ASRGL1: variants seen among roughly 807,000 people sequenced by gnomAD.
ASRGL1 encodes the protein asparaginase and isoaspartyl peptidase 1.
In ASRGL1, 16 loss-of-function variants were observed where a neutral mutation model predicts 22.4. The observed-to-expected ratio is 0.71, with a 90% CI of 0.48 to 1.08. The LOEUF is 1.08. ASRGL1 is among the 50% of genes least tolerant of loss of function. The pLI is 0.00. For missense variants in ASRGL1, 412 were observed against 410.1 expected (o/e 1.00, Z -0.04); for synonymous variants, 165 against 159.3 (o/e 1.04, Z -0.27).
At chr11:62,356,728 TA>T (rs1946305779) in intron 3 of ASRGL1, among the ~76,000 whole-genome samples, 1 of 152,230 alleles carries the variant, frequency 6.6e-6, no homozygotes. Context: ...TAGCATGTGT[TA>T]AAGATGGATT....
chr11:62,338,114 A>T lies in ASRGL1; in HGVS notation c.137A>T (p.Asp46Val). The change falls in exon 2 of 7, where the codon GAT becomes GTT. Residue 46 changes from aspartate (D) to valine (V), a missense_variant. Coordinates refer to ENST00000415229, the MANE Select transcript of ASRGL1 (RefSeq NM_001083926.2). ...CTCCGGGAGGGCGGGAGCGCCGTGGATGCCGTAGAGGGAGCTGTCGTCGCC... is the reference window on the plus strand; with the variant it reads ...CTCCGGGAGGGCGGGAGCGCCGTGGTTGCCGTAGAGGGAGCTGTCGTCGCC... ...GILREGGSAV[D>V]AVEGAVVALE... The T allele has an allele frequency of 6.2e-7, 1 of 1,607,252 alleles. No individual in the cohort carries two copies. Among genetic ancestry groups the T allele is most frequent in the Non-Finnish European group, 8.5e-7 (1 of 1,177,258 alleles).
chr11:62,378,931 C>G (rs544266027), intron 4 of ASRGL1, among the ~76,000 whole-genome samples: 39 of 152,130 alleles, frequency 2.6e-4, no homozygotes, highest in Non-Finnish European at 4.9e-4. Flanking sequence ...CTCTCAGTCT[C>G]AAGTGGAACT....
intron 4 of ASRGL1, among the ~76,000 whole-genome samples, chr11:62,368,128 G>T (rs570448000): frequency 6.6e-6 from 1 of 152,250 alleles, no homozygotes; most frequent in African/African-American, 2.4e-5. Flanking sequence ...TTGAGAAAGA[G>T]ACCACATTCA....
intron 4 of ASRGL1, among the ~76,000 whole-genome samples, chr11:62,361,171 AT>A (rs779666599): frequency 6.6e-6 from 1 of 151,500 alleles, no homozygotes; most frequent in African/African-American, 2.4e-5. Context: ...TTGTCAATAA[AT>A]TTTTTGGTTT....
rs3741245 is a variant in ASRGL1 at position 62,337,969 on chromosome 11, T to C, written c.-9T>C. Reference sequence around the variant, plus strand: ...GCTTTCGCCTTCCTGCTGCCTAGGATCCGCCGACATGAATCCCATCGTAGT... The same window carrying C: ...GCTTTCGCCTTCCTGCTGCCTAGGACCCGCCGACATGAATCCCATCGTAGT... On this transcript the variant is annotated 5_prime_UTR_variant, in exon 2 of 7. Coordinates refer to ENST00000415229, the MANE Select transcript of ASRGL1 (RefSeq NM_001083926.2). 448,474 of 1,586,362 alleles carry C rather than the reference T, an allele frequency of 0.28. 64,524 individuals carry two copies. The highest frequency in any genetic ancestry group is 0.35 in the South Asian group (30,890 of 87,484).
chr11:62,359,923 T>C (rs1946392960), intron 4 of ASRGL1, among the ~76,000 whole-genome samples: 2 of 152,038 alleles, frequency 1.3e-5, no homozygotes, highest in South Asian at 4.1e-4. Flanking sequence ...ATTTTAACTT[T>C]AACATTAATA....
Position 62,381,058 on chromosome 11 carries a change from G to A in ASRGL1, c.492-8075G>A, listed in dbSNP as rs564336227. On this transcript the variant is annotated intron_variant, in intron 4 of 6. Transcript: ENST00000415229. The stretch of plus-strand genomic sequence containing the variant: ...CGGCCGATACTGAAGTTCGGCTGGC[G>A]GCCAGTATTGATAGGCTACTGGCGG... 3.9e-5 allele frequency among the ~76,000 whole-genome samples: 6 copies of A among 152,236 alleles called. No individual in the cohort carries two copies. The South Asian group carries it at 1.2e-3, about 32-fold the overall frequency.
chr11:62,371,151 G>T, intron 4 of ASRGL1: 1 of 1,129,086 alleles, frequency 8.9e-7, no homozygotes, highest in Non-Finnish European at 1.2e-6. Flanking sequence ...GGAAGAAGGC[G>T]GCGGTGGCGG....
At chr11:62,365,690 A>C (rs1306142865) in intron 4 of ASRGL1, among the ~76,000 whole-genome samples, 3 of 152,078 alleles carry the variant, frequency 2.0e-5, no homozygotes, top group Non-Finnish European at 4.4e-5. Context: ...TCTACTAAAA[A>C]TACAGAAAAA....
chr11:62,397,485 A>AT, downstream of ASRGL1, among the ~76,000 whole-genome samples: 1 of 152,052 alleles, frequency 6.6e-6, no homozygotes, highest in Non-Finnish European at 1.5e-5. Flanking sequence ...ACCAACATGG[A>AT]GAAACCCCGT....
At chr11:62,362,463 T>C (rs1401815636) in intron 4 of ASRGL1, among the ~76,000 whole-genome samples, 1 of 120,528 alleles carries the variant, frequency 8.3e-6, no homozygotes, top group East Asian at 2.1e-4. Context: ...CAAAAATATA[T>C]ATATATTATA....
Position 62,373,588 on chromosome 11 carries a change from C to T in ASRGL1, c.492-15545C>T, listed in dbSNP as rs1054412023. 2.0e-4 allele frequency among the ~76,000 whole-genome samples: 31 copies of T among 152,234 alleles called. 1 individual carries two copies. The highest frequency in any genetic ancestry group is 7.5e-4 in the African/African-American group (31 of 41,458). ...ATCGCCATTTACTCAGAAAAAATGT[C>T]CCTTACAGGAACCGGCAGCAGCTAG... On this transcript the variant is annotated intron_variant, in intron 4 of 6. Coordinates refer to ENST00000415229, the MANE Select transcript of ASRGL1 (RefSeq NM_001083926.2).
At chr11:62,358,288 T>G (rs1323694867) in intron 4 of ASRGL1, among the ~76,000 whole-genome samples, 3 of 148,794 alleles carry the variant, frequency 2.0e-5, no homozygotes, top group Non-Finnish European at 4.4e-5. Context: ...GAGAATCGCT[T>G]GAACCCGGGA....
chr11:62,383,913 CAAA>C (rs35068655), intron 4 of ASRGL1, among the ~76,000 whole-genome samples: 4 of 122,254 alleles, frequency 3.3e-5, no homozygotes, highest in Non-Finnish European at 3.3e-5. Flanking sequence ...GAGTTGGTCT[CAAA>C]AAAAAAAAAA....
rs200906420 is a variant in ASRGL1, at chr11:62,389,209, G to T, written c.568G>T (p.Val190Phe). 3 of 1,614,154 alleles carry T rather than the reference G, an allele frequency of 1.9e-6. No homozygotes were observed. Among genetic ancestry groups the T allele is most frequent in the Non-Finnish European group, 2.5e-6 (3 of 1,180,038 alleles). ...VAYATSTGGI[V>F]NKMVGRVGDS... ...CTACGCAACCTCCACAGGCGGTATC[G>T]TTAATAAAATGGTCGGCCGCGTTGG... The change falls in exon 5 of 7, where the codon GTT becomes TTT. Residue 190 changes from valine (V) to phenylalanine (F), a missense_variant. Val to Phe is a conservative substitution (Grantham distance 50). Transcript: ENST00000415229.
At chr11:62,395,869 T>A (rs1947427934), downstream of ASRGL1, among the ~76,000 whole-genome samples, 1 of 142,990 alleles carries the variant, frequency 7.0e-6, no homozygotes. Flanking sequence ...CCTCCCAGAT[T>A]CAAGCAATTC....
At chr11:62,367,740 G>A (rs1156986309) in intron 4 of ASRGL1, among the ~76,000 whole-genome samples, 5 of 151,762 alleles carry the variant, frequency 3.3e-5, no homozygotes, top group Non-Finnish European at 7.4e-5. Flanking sequence ...TCAGGAGTTC[G>A]AGACCAGCCT....
chr11:62,362,529 T>C (rs867621950), intron 4 of ASRGL1, among the ~76,000 whole-genome samples: 1,089 of 75,042 alleles, frequency 0.015, 17 homozygotes, highest in Non-Finnish European at 0.019. Flanking sequence ...ATTTATATAA[T>C]ATATATTATA....
chr11:62,381,151 ACTCT>A (rs1491324958), intron 4 of ASRGL1, among the ~76,000 whole-genome samples: 1 of 150,772 alleles, frequency 6.6e-6, no homozygotes, highest in South Asian at 2.1e-4. Flanking sequence ...CATGACAGAG[ACTCT>A]CTATTTGATA....
Sources: allele counts gnomAD v4.1 joint callset (sites outside exome capture counted in the v4.1 genomes callset), GRCh38; gene constraint gnomAD v4.1.1; transcripts MANE v1.5; gene names NCBI Gene and HGNC (gene_info 2026-07-23, HGNC 2026-07-21).